Variants in LMBR1L observed in about 807,000 individuals in gnomAD.
The protein encoded by LMBR1L is limb development membrane protein 1 like, also known as protein LMBR1L.
LMBR1L carries 47 observed loss-of-function variants against 67.3 expected under a neutral mutation model. The observed-to-expected ratio is 0.70, with a 90% CI of 0.55 to 0.89. The LOEUF is 0.89. LMBR1L is among the 40% of genes least tolerant of loss of function. The pLI, the probability that LMBR1L is intolerant of heterozygous loss-of-function variation, is 0.00. For missense variants in LMBR1L, 533 were observed against 599.2 expected, an observed-to-expected ratio of 0.89 and a Z score of 1.15; for synonymous variants, 247 against 250.3, an observed-to-expected ratio of 0.99 and a Z score of 0.13.
rs766683923 is a variant in LMBR1L, at chr12:49,104,592, A to G, written c.332-41T>C. On this transcript the variant is annotated intron_variant, in intron 4 of 16. Coordinates refer to ENST00000267102, the MANE Select transcript of LMBR1L (RefSeq NM_018113.4). Reference sequence around the variant, plus strand: ...AAGAGCAGAAGTGGTCAGTAAGGGGAGGGGCAACCCACAGGAGACTGACCA... The same window carrying G: ...AAGAGCAGAAGTGGTCAGTAAGGGGGGGGGCAACCCACAGGAGACTGACCA... The G allele has an allele frequency of 2.5e-6, 4 of 1,573,118 alleles. No individual in the cohort carries two copies. In the Admixed American group the frequency reaches 5.0e-5, roughly 20 times the overall value.
At chr12:49,107,391 CA>C (rs1406852990) in intron 1 of LMBR1L, among the ~76,000 whole-genome samples, 2 of 152,320 alleles carry the variant, frequency 1.3e-5, no homozygotes, top group South Asian at 4.1e-4. Flanking sequence ...ACACGCATTT[CA>C]AACCAGCTAC....
intron 11 of LMBR1L, 159 bp from the exon 12 acceptor site, chr12:49,101,708 G>A: frequency 6.6e-6 from 4 of 609,102 alleles, no homozygotes; most frequent in South Asian, 4.0e-5. Flanking sequence ...ATTAGCAACA[G>A]AGTGCCTTTG....
chr12:49,100,331 G>GCAT, intron 15 of LMBR1L, 57 bp downstream of exon 15: 1 of 1,331,468 alleles, frequency 7.5e-7, no homozygotes, highest in East Asian at 2.3e-5. Context: ...TGCCTGCTTT[G>GCAT]CATCAGTAAG....
intron 1 of LMBR1L, among the ~76,000 whole-genome samples, chr12:49,108,131 T>A (rs1266480117): frequency 6.6e-6 from 1 of 151,502 alleles, no homozygotes; most frequent in Non-Finnish European, 1.5e-5. Context: ...GGTGTGGTGG[T>A]GCATACCTGT....
intron 15 of LMBR1L, 32 bp from the exon 16 acceptor site, chr12:49,098,137 C>T (rs752653242): frequency 1.3e-6 from 2 of 1,588,464 alleles, no homozygotes; most frequent in African/African-American, 1.3e-5. Context: ...GAGAGGTGGG[C>T]TCCCCAGGCC....
At position 49,105,925 on chromosome 12, in the gene LMBR1L, C is replaced by T. The variant is rs138521033; in HGVS notation, c.190G>A (p.Ala64Thr). The change falls in exon 3 of 17, where the codon GCG becomes ACG. Residue 64 changes from alanine to threonine, a missense_variant and splice_region_variant. By Grantham distance (58) the Ala-to-Thr change is moderately conservative. Around this residue, in one of 3 missense-constraint regions of LMBR1L, gnomAD observed 246 missense variants for 249.0 expected, o/e 0.99. Coordinates refer to ENST00000267102, the MANE Select transcript of LMBR1L (RefSeq NM_018113.4). Reference protein sequence around the residue: ...DDEDATVNKIALELCTFTLAI... With the variant: ...DDEDATVNKITLELCTFTLAI... ...AGGTGCTGAGGCAGGGACACTTACG[C>T]AATCTTGTTGACGGTGGCATCTTCA... The T allele has an allele frequency of 3.7e-5, 60 of 1,612,716 alleles. 1 individual carries two copies. The Admixed American group carries it at 5.7e-4, about 15-fold the overall frequency.
At chr12:49,105,213 C>G in intron 3 of LMBR1L, 1 of 300,128 alleles carries the variant, frequency 3.3e-6, no homozygotes, top group South Asian at 5.2e-5. Context: ...GATGCCAAAA[C>G]TAGGGGACCT....
intron 1 of LMBR1L, among the ~76,000 whole-genome samples, chr12:49,108,369 C>T (rs937699285): frequency 5.9e-5 from 9 of 152,120 alleles, no homozygotes; most frequent in African/African-American, 2.2e-4. Context: ...CAAGACCATC[C>T]TGGCCAACAT....
chr12:49,102,927 C>T lies in LMBR1L; in HGVS notation c.656G>A (p.Arg219His), dbSNP rs1940395491. 2.5e-6 allele frequency: 4 copies of T among 1,614,092 alleles called. No individual in the cohort carries two copies. Among genetic ancestry groups the T allele is most frequent in the Non-Finnish European group, 3.4e-6 (4 of 1,179,986 alleles). The change falls in exon 8 of 17, where the codon CGC becomes CAC. Residue 219 changes from arginine to histidine, a missense_variant. Physicochemically the swap from Arg to His is conservative, Grantham distance 29. Transcript: ENST00000267102. ...CAGCTTCCCAGTGACGGAGAACATGCGGGCGAGACCCAGTGGAGTACACAC... is the reference window on the plus strand; with the variant it reads ...CAGCTTCCCAGTGACGGAGAACATGTGGGCGAGACCCAGTGGAGTACACAC... ...LLVCTPLGLA[R>H]MFSVTGKLLV...
chr12:49,105,529 G>A (rs1294594113), intron 3 of LMBR1L, among the ~76,000 whole-genome samples: 1 of 152,148 alleles, frequency 6.6e-6, no homozygotes, highest in Non-Finnish European at 1.5e-5. Context: ...TGGAATATGG[G>A]CCTTTCTCCC....
At position 49,100,384 on chromosome 12, in the gene LMBR1L, T is replaced by TC; in HGVS notation, c.1240+3_1240+4insG. 1.2e-6 allele frequency: 2 copies of TC among 1,611,044 alleles called. No homozygotes were observed. Among genetic ancestry groups the TC allele is most frequent in the Non-Finnish European group, 1.7e-6 (2 of 1,177,198 alleles). ...TTCCTTTATCTCCTCCTTTCAATACTTACCCAGGGTTCGAGAGAAGACAGG... is the reference window on the plus strand; with the variant it reads ...TTCCTTTATCTCCTCCTTTCAATACTCTACCCAGGGTTCGAGAGAAGACAGG... On this transcript the variant is annotated splice_donor_region_variant and intron_variant, in intron 15 of 16. Transcript: ENST00000267102.
intron 7 of LMBR1L, 37 bp downstream of exon 7, chr12:49,103,054 G>A (rs977953914): frequency 6.2e-7 from 1 of 1,610,464 alleles, no homozygotes. Context: ...CTGGTCCAAG[G>A]ACCCTGCCCA....
Position 49,100,409 on chromosome 12 carries a change from G to C in LMBR1L, c.1219C>G (p.Pro407Ala). ...VCLLVLSSAL[P>A]VFSRTLGLTR... is the part of the protein sequence containing the mutation. ...TTACCCAGGGTTCGAGAGAAGACAG[G>C]AAGTGCTGAGCTTAGGACCAGGAGA... The change falls in exon 15 of 17, where the codon CCT (proline) becomes GCT (alanine). Residue 407 changes from proline (P) to alanine (A), a missense_variant. Physicochemically the swap from Pro to Ala is conservative, Grantham distance 27. Transcript: ENST00000267102. 1.9e-6 allele frequency: 3 copies of C among 1,613,898 alleles called. No homozygotes were observed. Among genetic ancestry groups the C allele is most frequent in the Non-Finnish European group, 2.5e-6 (3 of 1,179,758 alleles).
At chr12:49,099,123 ATT>A (rs35643504) in intron 15 of LMBR1L, among the ~76,000 whole-genome samples, 11 of 101,958 alleles carry the variant, frequency 1.1e-4, no homozygotes, top group South Asian at 6.9e-4. Flanking sequence ...CTCACAGCTG[ATT>A]TTTTTTTTTT....
rs201902195 is a variant in LMBR1L at position 49,103,735 on chromosome 12, C to A, written c.514G>T (p.Ala172Ser). The part of the protein sequence containing the change: ...TLLVLGMVWV[A>S]SAIVDKNKAN... ...TTGTTCTTGTCCACAATGGCTGATG[C>A]CACCCACACCATACCTAGCACCAGC... Residue 172 changes from alanine (A) to serine (S), a missense_variant, in exon 6 of 17, where the codon GCA becomes TCA. Ala to Ser is a moderately conservative substitution (Grantham distance 99). Around this residue, in one of 3 missense-constraint regions of LMBR1L, gnomAD observed 246 missense variants for 249.0 expected, o/e 0.99. Coordinates refer to ENST00000267102, the MANE Select transcript of LMBR1L (RefSeq NM_018113.4). 4.3e-5 allele frequency: 69 copies of A among 1,614,040 alleles called. No individual in the cohort carries two copies. In the East Asian group the frequency reaches 1.4e-3, roughly 34 times the overall value.
rs1436548121 is a variant in LMBR1L, at chr12:49,104,398, C to T, written c.435+50G>A. 3.9e-6 allele frequency: 5 copies of T among 1,285,448 alleles called. No individual in the cohort carries two copies. In the East Asian group the frequency reaches 1.2e-4, roughly 30 times the overall value. The allele number at this position is 1,285,448 out of a possible 1,614,324, so 79.6% of individuals were successfully genotyped here. A position where few individuals can be genotyped will look rare whatever the true frequency, so the allele number is the denominator to read the frequency against. Reference sequence around the variant, plus strand: ...CTTTATTAAAATCTCTTCAGCTGAACCATGTGTGTGGAATTCCGTTTCCTG... The same window carrying T: ...CTTTATTAAAATCTCTTCAGCTGAATCATGTGTGTGGAATTCCGTTTCCTG... On this transcript the variant is annotated intron_variant, in intron 5 of 16. Coordinates refer to ENST00000267102, the MANE Select transcript of LMBR1L (RefSeq NM_018113.4).
At chr12:49,108,989 T>C (rs1196134233) in intron 1 of LMBR1L, among the ~76,000 whole-genome samples, 1 of 152,112 alleles carries the variant, frequency 6.6e-6, no homozygotes, top group Non-Finnish European at 1.5e-5. Context: ...GCCACTCAGA[T>C]TGTAGCTGCA....
chr12:49,106,139 A>T, intron 2 of LMBR1L, 182 bp from the exon 3 acceptor site: 1 of 579,476 alleles, frequency 1.7e-6, no homozygotes, highest in Non-Finnish European at 3.1e-6. Flanking sequence ...CCAAGGTGGC[A>T]GCTTAAAAAT....
chr12:49,103,251 C>A, intron 6 of LMBR1L, 92 bp from the exon 7 acceptor site: 1 of 1,067,026 alleles, frequency 9.4e-7, no homozygotes, highest in Non-Finnish European at 1.4e-6. Flanking sequence ...AGGGCACAGT[C>A]CCCACAGGGG....
Sources: allele counts gnomAD v4.1 joint callset (sites outside exome capture counted in the v4.1 genomes callset), GRCh38; gene constraint gnomAD v4.1.1; regional missense constraint gnomAD v4.1.1; transcripts MANE v1.5; gene names NCBI Gene and HGNC (gene_info 2026-07-23, HGNC 2026-07-21).